The following CFAP61 variants were observed in gnomAD, a reference collection of about 807,000 sequenced individuals.
The protein encoded by CFAP61 is cilia and flagella associated protein 61.
A neutral mutation model predicts 135.6 loss-of-function variants in CFAP61; 107 were observed. The observed-to-expected ratio is 0.79, with a 90% CI of 0.67 to 0.93. The LOEUF is 0.93. CFAP61 is among the 40% of genes least tolerant of loss of function. The pLI, the probability that CFAP61 is intolerant of heterozygous loss-of-function variation, is 0.00. For missense variants in CFAP61, 1,507 were observed against 1,556.2 expected (o/e 0.97, Z 0.53); for synonymous variants, 575 against 578.5 (o/e 0.99, Z 0.09).
intron 2 of CFAP61, among the ~76,000 whole-genome samples, chr20:20,070,099 G>C (rs1314649770): frequency 2.6e-5 from 4 of 152,200 alleles, no homozygotes; most frequent in Non-Finnish European, 5.9e-5. Context: ...ACAAGACAGG[G>C]TAGCAGTTGG....
chr20:20,137,390 C>A (rs1175769284), intron 8 of CFAP61, among the ~76,000 whole-genome samples: 1 of 152,194 alleles, frequency 6.6e-6, no homozygotes, highest in Non-Finnish European at 1.5e-5. Context: ...GAGCCAGAGC[C>A]AGGAGTAGGA....
chr20:20,258,597 T>C (rs1293013790), intron 20 of CFAP61: 1 of 152,208 alleles, frequency 6.6e-6, no homozygotes, highest in African/African-American at 2.4e-5. Flanking sequence ...TTGCACATGA[T>C]GGCTCTGGGA....
chr20:20,141,063 T>A (rs1193257267), intron 8 of CFAP61, among the ~76,000 whole-genome samples: 1 of 151,984 alleles, frequency 6.6e-6, no homozygotes, highest in Non-Finnish European at 1.5e-5. Flanking sequence ...GGATTACAGG[T>A]GTGCACCACC....
chr20:20,253,649 A>C, intron 20 of CFAP61: 1 of 446,906 alleles, frequency 2.2e-6, no homozygotes, highest in South Asian at 1.7e-5. Context: ...GGACGCACCT[A>C]CCAACTCCAC....
intron 21 of CFAP61, among the ~76,000 whole-genome samples, chr20:20,274,124 TTGAG>T (rs1241669596): frequency 6.6e-6 from 1 of 152,194 alleles, no homozygotes; most frequent in Admixed American, 6.5e-5. Context: ...ATATGGGCAT[TTGAG>T]TGAAACCCAT....
intron 9 of CFAP61, among the ~76,000 whole-genome samples, chr20:20,157,766 C>T (rs1425864175): frequency 1.3e-5 from 2 of 151,974 alleles, no homozygotes; most frequent in Non-Finnish European, 1.5e-5. Flanking sequence ...AGAAATTGAC[C>T]AATTAGATGT....
intron 18 of CFAP61, among the ~76,000 whole-genome samples, chr20:20,238,936 G>T (rs1053574939): frequency 6.6e-6 from 1 of 151,944 alleles, no homozygotes; most frequent in African/African-American, 2.4e-5. Flanking sequence ...TGTTTCATTG[G>T]CTTGAGCACT....
Position 20,149,715 on chromosome 20 carries a change from A to AG in CFAP61, c.951+6770dup, listed in dbSNP as rs1460573295. On this transcript the variant is annotated intron_variant, in intron 9 of 26. Transcript: ENST00000245957. ...CACTCCCATTCTCCAGCTCAAGCCCAGGGAAGCCATCCCTGACTATATCTC... is the reference window on the plus strand; with the variant it reads ...CACTCCCATTCTCCAGCTCAAGCCCAGGGGAAGCCATCCCTGACTATATCTC... Among the ~76,000 whole-genome samples, 3 of 152,238 alleles carry AG rather than the reference A, an allele frequency of 2.0e-5. No individual in the cohort carries two copies. The East Asian group carries it at 5.8e-4, about 29-fold the overall frequency.
At chr20:20,175,332 T>C (rs2054528513) in intron 13 of CFAP61, among the ~76,000 whole-genome samples, 3 of 152,168 alleles carry the variant, frequency 2.0e-5, no homozygotes, top group South Asian at 2.1e-4. Context: ...GGTCCAGGGA[T>C]CGGCAGCAGC....
chr20:20,339,065 C>CAA (rs1416118995), intron 25 of CFAP61, among the ~76,000 whole-genome samples: 5 of 152,044 alleles, frequency 3.3e-5, no homozygotes, highest in Admixed American at 6.6e-5. Flanking sequence ...CCCAGCTGTG[C>CAA]AAAAATGATT....
At chr20:20,143,644 G>A (rs2051606565) in intron 9 of CFAP61, among the ~76,000 whole-genome samples, 1 of 152,172 alleles carries the variant, frequency 6.6e-6, no homozygotes, top group Non-Finnish European at 1.5e-5. Flanking sequence ...CAAGCCAAGC[G>A]AATCCTGTGG....
intron 8 of CFAP61, among the ~76,000 whole-genome samples, chr20:20,103,455 G>GTT (rs1023226068): frequency 6.6e-6 from 1 of 151,476 alleles, no homozygotes; most frequent in Non-Finnish European, 1.5e-5. Flanking sequence ...TAGTAGAAGT[G>GTT]TATTTTTTTT....
At chr20:20,328,542 A>G (rs115962579) in intron 25 of CFAP61, among the ~76,000 whole-genome samples, 1,631 of 152,338 alleles carry the variant, frequency 0.011, 37 homozygotes, top group African/African-American at 0.037. Flanking sequence ...AAGTGGGTCT[A>G]CATCAAACTA....
At chr20:20,239,228 T>C (rs1275755256) in intron 18 of CFAP61, among the ~76,000 whole-genome samples, 2 of 152,246 alleles carry the variant, frequency 1.3e-5, no homozygotes, top group African/African-American at 4.8e-5. Context: ...TTCATGACTT[T>C]AGACCAATAC....
chr20:20,137,341 G>A (rs1273484585), intron 8 of CFAP61, among the ~76,000 whole-genome samples: 2 of 152,222 alleles, frequency 1.3e-5, no homozygotes, highest in Non-Finnish European at 2.9e-5. Context: ...AGGGCAACAA[G>A]TTCCCCTGGC....
At chr20:20,085,148 C>T (rs1053999901) in intron 6 of CFAP61, 45 of 985,342 alleles carry the variant, frequency 4.6e-5, no homozygotes, top group Non-Finnish European at 4.9e-5. Context: ...GAACACTGTG[C>T]GGCCTGTCAG....
intron 25 of CFAP61, among the ~76,000 whole-genome samples, chr20:20,307,738 A>G (rs1269123641): frequency 6.6e-6 from 1 of 152,234 alleles, no homozygotes; most frequent in East Asian, 1.9e-4. Context: ...AAATTTATTT[A>G]GAGAGAGGTC....
chr20:20,197,314 A>G (rs547837920), intron 16 of CFAP61, among the ~76,000 whole-genome samples: 2 of 152,324 alleles, frequency 1.3e-5, no homozygotes, highest in South Asian at 4.1e-4. Context: ...ATGGAGTAAT[A>G]CTGTGGTAAT....
At chr20:20,298,523 C>T in intron 25 of CFAP61, 137 bp downstream of exon 25, 1 of 730,976 alleles carries the variant, frequency 1.4e-6, no homozygotes. Flanking sequence ...AGATTTCGTT[C>T]TAATGAAGAA....
Sources: allele counts gnomAD v4.1 joint callset (sites outside exome capture counted in the v4.1 genomes callset), GRCh38; gene constraint gnomAD v4.1.1; transcripts MANE v1.5; gene names NCBI Gene and HGNC (gene_info 2026-07-23, HGNC 2026-07-21).